Variants in FOXP2 observed in about 807,000 individuals in gnomAD.
FOXP2 encodes the protein forkhead box P2.
A neutral mutation model predicts 115.8 loss-of-function variants in FOXP2; 12 were observed. That is an observed-to-expected ratio of 0.10 (90% CI 0.07 to 0.17). FOXP2 has a LOEUF of 0.17. FOXP2 is among the 10% of genes least tolerant of loss of function. The probability of loss-of-function intolerance (pLI) is 1.00; values close to 1 mark genes in which losing one functional copy is unlikely to be tolerated. For missense variants in FOXP2, 629 were observed against 843.5 expected (o/e 0.75, Z 3.15); for synonymous variants, 328 against 297.7 (o/e 1.10, Z -1.05).
At chr7:114,111,720 TCC>T (rs1791272460) in intron 1 of FOXP2, among the ~76,000 whole-genome samples, 1 of 151,986 alleles carries the variant, frequency 6.6e-6, no homozygotes, top group Non-Finnish European at 1.5e-5. Context: ...AAAAAATATA[TCC>T]TGGTTGGAGG....
chr7:114,462,984 G>A (rs550289349), intron 2 of FOXP2: 28 of 334,564 alleles, frequency 8.4e-5, no homozygotes, highest in South Asian at 6.0e-4. Context: ...CTTGCAAATA[G>A]TTCATCCAAG....
At chr7:114,666,199 TA>T (rs1342925821) in intron 16 of FOXP2, 4 of 152,082 alleles carry the variant, frequency 2.6e-5, no homozygotes, top group Admixed American at 2.6e-4. Flanking sequence ...TACTTATGTT[TA>T]TTTTCCATAG....
intron 1 of FOXP2, among the ~76,000 whole-genome samples, chr7:114,175,178 ATAAAGACAAGATGG>A (rs1296614574): frequency 6.6e-6 from 1 of 152,198 alleles, no homozygotes; most frequent in African/African-American, 2.4e-5. Context: ...TCTTCTGGTT[ATAAAGACAAGATGG>A]TAAAGACAAA....
At chr7:114,154,675 A>T (rs1461992837) in intron 1 of FOXP2, among the ~76,000 whole-genome samples, 1 of 152,120 alleles carries the variant, frequency 6.6e-6, no homozygotes, top group African/African-American at 2.4e-5. Context: ...GATTAAATAT[A>T]TTATTTAATG....
At chr7:114,501,953 A>T (rs1252703542) in intron 2 of FOXP2, among the ~76,000 whole-genome samples, 2 of 152,082 alleles carry the variant, frequency 1.3e-5, no homozygotes, top group African/African-American at 2.4e-5. Flanking sequence ...AAGCTTTGGT[A>T]GCCTTTTCTT....
chr7:114,259,829 T>A (rs1021329989), intron 1 of FOXP2, among the ~76,000 whole-genome samples: 2 of 152,164 alleles, frequency 1.3e-5, no homozygotes, highest in Non-Finnish European at 2.9e-5. Flanking sequence ...TTAGAAAGAT[T>A]TCTCTCTGTG....
intron 1 of FOXP2, among the ~76,000 whole-genome samples, chr7:114,182,770 G>A (rs1438638933): frequency 6.6e-6 from 1 of 151,818 alleles, no homozygotes; most frequent in Admixed American, 6.6e-5. Context: ...TTAATAATAT[G>A]TTCAATCGAA....
At chr7:114,343,657 A>G (rs1791267732) in intron 2 of FOXP2, among the ~76,000 whole-genome samples, 1 of 151,640 alleles carries the variant, frequency 6.6e-6, no homozygotes, top group African/African-American at 2.4e-5. Flanking sequence ...TTGCATATGC[A>G]CTTCTCTTAG....
At chr7:114,334,395 AT>A (rs1269471866) in intron 2 of FOXP2, among the ~76,000 whole-genome samples, 7 of 149,292 alleles carry the variant, frequency 4.7e-5, no homozygotes, top group African/African-American at 1.7e-4. Context: ...AAAAAAAAAA[AT>A]CTGTTAATTT....
rs76297988 is a variant in FOXP2, at chr7:114,482,261, G to A, written c.169-52356G>A. On this transcript the variant is annotated intron_variant, in intron 2 of 16. Transcript: ENST00000350908. Reference sequence around the variant, plus strand: ...GCCCAGAAGTCCTACTCAATGCCTTGAGCAATATTAACATCCTCTCAGTGT... The same window carrying A: ...GCCCAGAAGTCCTACTCAATGCCTTAAGCAATATTAACATCCTCTCAGTGT... Among the ~76,000 whole-genome samples the A allele has an allele frequency of 4.7e-3, 711 of 151,516 alleles. 3 individuals are homozygous for A. The highest frequency in any genetic ancestry group is 0.016 in the African/African-American group (679 of 41,484).
At chr7:114,480,563 A>G (rs926048362) in intron 2 of FOXP2, among the ~76,000 whole-genome samples, 4 of 150,384 alleles carry the variant, frequency 2.7e-5, no homozygotes, top group African/African-American at 9.7e-5. Flanking sequence ...ATATACACAT[A>G]TACATGTAAA....
At chr7:114,548,735 C>G (rs1343359269) in intron 3 of FOXP2, among the ~76,000 whole-genome samples, 1 of 152,126 alleles carries the variant, frequency 6.6e-6, no homozygotes, top group Non-Finnish European at 1.5e-5. Context: ...TCTTTCCCTC[C>G]AGGAAGTTAC....
At chr7:114,632,007 A>G (rs964679639) in intron 6 of FOXP2, among the ~76,000 whole-genome samples, 2 of 152,234 alleles carry the variant, frequency 1.3e-5, no homozygotes, top group Non-Finnish European at 2.9e-5. Context: ...TTGAATATAC[A>G]GGAGGATCTG....
chr7:114,445,771 C>T (rs1794807594), intron 2 of FOXP2, among the ~76,000 whole-genome samples: 1 of 152,026 alleles, frequency 6.6e-6, no homozygotes, highest in Non-Finnish European at 1.5e-5. Context: ...TAATCCTATT[C>T]TTCTACATAT....
chr7:114,244,916 C>G (rs1259950847), intron 1 of FOXP2, among the ~76,000 whole-genome samples: 2 of 151,976 alleles, frequency 1.3e-5, no homozygotes, highest in African/African-American at 2.4e-5. Context: ...CGCCCACCAT[C>G]ACGCCCGGCT....
At chr7:114,218,961 T>C (rs1021832163) in intron 1 of FOXP2, among the ~76,000 whole-genome samples, 2 of 152,158 alleles carry the variant, frequency 1.3e-5, no homozygotes, top group African/African-American at 4.8e-5. Flanking sequence ...TACTGCCTAA[T>C]GGAGGACCCT....
Position 114,258,976 on chromosome 7 carries a change from T to C in FOXP2, c.-101-29043T>C, listed in dbSNP as rs977312596. ...TGTAGAGGAGAATATTATAGTCTTA[T>C]TTAGTATAAAATTCATATATTGTAG... On this transcript the variant is annotated intron_variant, in intron 1 of 17. Transcript: ENST00000634411. Among the ~76,000 whole-genome samples the C allele has an allele frequency of 3.9e-5, 6 of 152,194 alleles. No homozygotes were observed. The South Asian group carries it at 1.2e-3, about 31-fold the overall frequency.
intron 1 of FOXP2, among the ~76,000 whole-genome samples, chr7:114,280,264 T>G (rs1366233403): frequency 6.6e-6 from 1 of 152,064 alleles, no homozygotes; most frequent in Non-Finnish European, 1.5e-5. Flanking sequence ...TTACTGCTTA[T>G]GATTATAAAA....
intron 2 of FOXP2, among the ~76,000 whole-genome samples, chr7:114,397,056 T>C (rs1473194308): frequency 6.6e-6 from 1 of 152,050 alleles, no homozygotes; most frequent in Non-Finnish European, 1.5e-5. Context: ...TAAAAATATA[T>C]ACTAACATAT....
Sources: gnomAD v4.1 joint callset for allele counts (sites outside exome capture counted in the v4.1 genomes callset) on GRCh38, gnomAD v4.1.1 for gene constraint, MANE v1.5 for transcripts, NCBI Gene and HGNC (gene_info 2026-07-23, HGNC 2026-07-21) for gene names.